The following MKLN1 variants were observed in gnomAD, a reference collection of about 807,000 sequenced individuals.
The protein encoded by MKLN1 is muskelin.
MKLN1 carries 18 observed loss-of-function variants against 99.0 expected under a neutral mutation model. That is an observed-to-expected ratio of 0.18 (90% confidence interval 0.13 to 0.27). The LOEUF (loss-of-function observed/expected upper bound fraction) is 0.27. MKLN1 is among the 10% of genes least tolerant of loss of function. The probability of loss-of-function intolerance (pLI) is 1.00; values close to 1 mark genes in which losing one functional copy is unlikely to be tolerated. For synonymous variants in MKLN1, 288 were observed against 293.2 expected, an observed-to-expected ratio of 0.98 and a Z score of 0.18; for missense variants, 621 against 875.9, an observed-to-expected ratio of 0.71 and a Z score of 3.67.
intron 16 of MKLN1, among the ~76,000 whole-genome samples, chr7:131,473,922 G>A (rs545308531): frequency 3.9e-5 from 6 of 152,222 alleles, no homozygotes; most frequent in Non-Finnish European, 8.8e-5. Flanking sequence ...GCTGAGGTGG[G>A]TGGATCACCT....
At chr7:131,319,779 C>T (rs577468772) in intron 3 of MKLN1, among the ~76,000 whole-genome samples, 1 of 152,270 alleles carries the variant, frequency 6.6e-6, no homozygotes, top group Non-Finnish European at 1.5e-5. Context: ...CATTCCTGTA[C>T]ACCAATCATA....
At chr7:131,341,956 T>C (rs1799420215) in intron 1 of MKLN1, among the ~76,000 whole-genome samples, 1 of 152,198 alleles carries the variant, frequency 6.6e-6, no homozygotes, top group Non-Finnish European at 1.5e-5. Flanking sequence ...GCCTGGGGGT[T>C]TGGGATCCCT....
intron 1 of MKLN1, among the ~76,000 whole-genome samples, chr7:131,368,818 CTT>C (rs1229576101): frequency 6.6e-6 from 1 of 152,012 alleles, no homozygotes; most frequent in Non-Finnish European, 1.5e-5. Flanking sequence ...TCAACAATAA[CTT>C]TTTACTGTTT....
intron 1 of MKLN1, among the ~76,000 whole-genome samples, chr7:131,343,756 A>G (rs956365438): frequency 6.6e-6 from 1 of 152,110 alleles, no homozygotes; most frequent in Non-Finnish European, 1.5e-5. Flanking sequence ...TTTTTATGGT[A>G]TTCTAACCTG....
At chr7:131,268,881 C>T (rs1301734731) in intron 3 of MKLN1, among the ~76,000 whole-genome samples, 2 of 152,182 alleles carry the variant, frequency 1.3e-5, no homozygotes, top group African/African-American at 4.8e-5. Context: ...ATGACCAAAC[C>T]TACCATTAAT....
rs572996673 is a variant in MKLN1, at chr7:131,439,288, C to CT, written c.1173+1302dup. On this transcript the variant is annotated intron_variant, in intron 10 of 17. Coordinates refer to ENST00000352689, the MANE Select transcript of MKLN1 (RefSeq NM_013255.5). ...TTTCTTTTACAAAAGATGCTGATGT[C>CT]TTTTTTTTTTTACAGGTTGAAAAAA... Among the ~76,000 whole-genome samples the CT allele has an allele frequency of 7.4e-3, 1,082 of 146,132 alleles. 9 individuals are homozygous for CT. Among genetic ancestry groups the CT allele is most frequent in the African/African-American group, 0.023 (921 of 40,206 alleles).
At chr7:131,165,248 C>T (rs746682747) in intron 2 of MKLN1, among the ~76,000 whole-genome samples, 8 of 152,060 alleles carry the variant, frequency 5.3e-5, no homozygotes, top group East Asian at 1.9e-4. Context: ...TGTAATGGCG[C>T]GATCTCTGCT....
In MKLN1 at chr7:131,179,556, C is replaced by CATT. The variant is rs146282031; in HGVS notation, c.-296-23282_-296-23280dup. 8.4e-3 allele frequency among the ~76,000 whole-genome samples: 1,265 copies of CATT among 150,388 alleles called. 9 individuals carry two copies. The highest frequency in any genetic ancestry group is 0.014 in the South Asian group (65 of 4,732). The stretch of plus-strand genomic sequence containing the variant: ...CATTGCATTTGTTTTTTAAAAGAGA[C>CATT]ATTATTATTATTATTATTATTTTGT... On this transcript the variant is annotated intron_variant, in intron 2 of 7. Transcript: ENST00000416992.
chr7:131,330,390 T>A (rs1799036446), intron 1 of MKLN1, among the ~76,000 whole-genome samples: 1 of 152,222 alleles, frequency 6.6e-6, no homozygotes, highest in African/African-American at 2.4e-5. Context: ...TGGTAAACAT[T>A]TATGATGTGC....
chr7:131,426,325 T>C (rs1163048618), intron 8 of MKLN1, among the ~76,000 whole-genome samples: 3 of 152,170 alleles, frequency 2.0e-5, no homozygotes, highest in East Asian at 1.9e-4. Context: ...AAACAAAAGG[T>C]CAATTGCTAT....
intron 3 of MKLN1, among the ~76,000 whole-genome samples, chr7:131,287,385 A>G (rs1396563926): frequency 6.6e-6 from 1 of 152,188 alleles, no homozygotes; most frequent in African/African-American, 2.4e-5. Flanking sequence ...CTGGGGGAGA[A>G]TCTTCTCCTT....
intron 3 of MKLN1, among the ~76,000 whole-genome samples, chr7:131,296,602 TAA>T (rs11406114): frequency 6.6e-6 from 1 of 151,920 alleles, no homozygotes; most frequent in East Asian, 1.9e-4. Flanking sequence ...CAAACTCAGA[TAA>T]AAAAATACAG....
intron 3 of MKLN1, among the ~76,000 whole-genome samples, chr7:131,306,745 G>T (rs1798473083): frequency 6.6e-6 from 1 of 152,218 alleles, no homozygotes; most frequent in African/African-American, 2.4e-5. Context: ...TAAAAGGAAA[G>T]CAGAGCATAA....
At chr7:131,398,705 A>T (rs1292110415) in intron 5 of MKLN1, among the ~76,000 whole-genome samples, 1 of 152,090 alleles carries the variant, frequency 6.6e-6, no homozygotes. Context: ...AAAGAAAGAA[A>T]AAAAAAAAGA....
At chr7:131,226,437 C>A (rs997068026) in intron 3 of MKLN1, among the ~76,000 whole-genome samples, 2 of 152,204 alleles carry the variant, frequency 1.3e-5, no homozygotes, top group African/African-American at 2.4e-5. Flanking sequence ...TCTCTGAAAC[C>A]ATTGAGAGGC....
intron 1 of MKLN1, among the ~76,000 whole-genome samples, chr7:131,123,405 A>G (rs1795406261): frequency 6.6e-6 from 1 of 152,262 alleles, no homozygotes; most frequent in South Asian, 2.1e-4. Context: ...CAATAAAATG[A>G]ATTTGAATTT....
intron 1 of MKLN1, among the ~76,000 whole-genome samples, chr7:131,369,984 G>A (rs1390431791): frequency 6.6e-6 from 1 of 152,070 alleles, no homozygotes; most frequent in African/African-American, 2.4e-5. Context: ...TTACGGGCAC[G>A]TGCCACCATG....
chr7:131,173,077 C>A (rs937605212), intron 2 of MKLN1, among the ~76,000 whole-genome samples: 4 of 151,870 alleles, frequency 2.6e-5, no homozygotes, highest in African/African-American at 9.7e-5. Flanking sequence ...TCAATATTTT[C>A]TTTAAACTTG....
intron 3 of MKLN1, among the ~76,000 whole-genome samples, chr7:131,275,559 A>AT (rs1183019546): frequency 3.5e-4 from 5 of 14,458 alleles, no homozygotes; most frequent in East Asian, 2.2e-3. Context: ...ATATATATAT[A>AT]TATATATATT....
Sources: gnomAD v4.1 joint callset for allele counts (sites outside exome capture counted in the v4.1 genomes callset) on GRCh38, gnomAD v4.1.1 for gene constraint, MANE v1.5 for transcripts, NCBI Gene and HGNC (gene_info 2026-07-23, HGNC 2026-07-21) for gene names.